LGR5: variants seen among roughly 807,000 people sequenced by gnomAD.
LGR5 encodes the protein leucine-rich repeat-containing G protein-coupled receptor 5.
LGR5 carries 54 observed loss-of-function variants against 76.7 expected under a neutral mutation model. That is an observed-to-expected ratio of 0.70 (90% CI 0.57 to 0.88). The LOEUF (loss-of-function observed/expected upper bound fraction) is 0.88, where lower values mean the gene tolerates loss of function less well. Among genes scored for constraint, LGR5 ranks in the 40% least tolerant of loss-of-function variants. LGR5 has a pLI of 0.00. For missense variants in LGR5, 1,078 were observed against 1,073.3 expected, an observed-to-expected ratio of 1.00 and a Z score of -0.06; for synonymous variants, 406 against 421.9, an observed-to-expected ratio of 0.96 and a Z score of 0.46.
chr12:71,467,387 G>T (rs1872909754), intron 1 of LGR5, among the ~76,000 whole-genome samples: 1 of 152,150 alleles, frequency 6.6e-6, no homozygotes, highest in Non-Finnish European at 1.5e-5. Flanking sequence ...AGGGGATTTG[G>T]CCTGAAGAAC....
At chr12:71,514,350 C>T (rs1041653584) in intron 2 of LGR5, among the ~76,000 whole-genome samples, 6 of 152,044 alleles carry the variant, frequency 3.9e-5, no homozygotes, top group African/African-American at 9.6e-5. Context: ...AGGTGGATCA[C>T]GAGGTCAGGA....
intron 11 of LGR5, 159 bp from the exon 12 acceptor site, chr12:71,571,355 A>G: frequency 1.9e-6 from 1 of 519,060 alleles, no homozygotes; most frequent in East Asian, 3.1e-5. Context: ...TGGTTAATCC[A>G]ATAATGGCTG....
rs755671968 is a variant in LGR5 at position 71,559,688 on chromosome 12, T to G, written c.785+34T>G. 10 of 1,113,236 alleles carry G rather than the reference T, an allele frequency of 9.0e-6. No individual in the cohort carries two copies. In the South Asian group the frequency reaches 1.3e-4, roughly 15 times the overall value. The allele number at this position is 1,113,236 out of a possible 1,614,324, so 69.0% of individuals were successfully genotyped here. A position where few individuals can be genotyped will look rare whatever the true frequency, so the allele number is the denominator to read the frequency against. The stretch of plus-strand genomic sequence containing the variant: ...TTAGGACAATTTTAATGGGAGAACT[T>G]TATCCTTTTGTGAATTTATTTAAAA... On this transcript the variant is annotated intron_variant, in intron 7 of 17. Transcript: ENST00000266674.
chr12:71,491,721 T>C (rs1874083594), intron 1 of LGR5, among the ~76,000 whole-genome samples: 1 of 150,264 alleles, frequency 6.7e-6, no homozygotes, highest in South Asian at 2.2e-4. Flanking sequence ...TTTTTCCAAA[T>C]AAAGGCAAAC....
intron 2 of LGR5, among the ~76,000 whole-genome samples, chr12:71,510,813 C>T (rs12809362): frequency 0.092 from 14,050 of 152,006 alleles, 697 homozygotes; most frequent in Non-Finnish European, 0.11. Flanking sequence ...GGAGGAGGGA[C>T]TGGGAGCCTG....
intron 1 of LGR5, among the ~76,000 whole-genome samples, chr12:71,498,308 T>C (rs778113212): frequency 6.6e-6 from 1 of 151,662 alleles, no homozygotes. Context: ...AGAGGCAGTA[T>C]AGCCATTTGT....
intron 1 of LGR5, among the ~76,000 whole-genome samples, chr12:71,486,864 T>G (rs1325371736): frequency 6.6e-6 from 1 of 151,994 alleles, no homozygotes; most frequent in African/African-American, 2.4e-5. Flanking sequence ...TAGAATGGAA[T>G]TTGAAAACGC....
chr12:71,561,874 C>T (rs779941876), intron 8 of LGR5, 22 bp downstream of exon 8: 38 of 1,415,910 alleles, frequency 2.7e-5, no homozygotes, highest in South Asian at 1.5e-4. Flanking sequence ...TAATGCTTTT[C>T]GGTTTCTCCA....
Position 71,439,801 on chromosome 12 carries a change from C to A in LGR5, c.-280C>A, listed in dbSNP as rs1219962918. The A allele has an allele frequency of 4.3e-6, 2 of 461,262 alleles. No individual in the cohort carries two copies. The highest frequency in any genetic ancestry group is 7.6e-6 in the Non-Finnish European group (2 of 261,756). 28.6% of individuals were successfully genotyped at this position (461,262 alleles called of 1,614,324 possible). ...CGAGCGTGCAAGCAGAGATGCTGCT[C>A]CACACCGCTCAGGCCGCGAGCAGCA... is the stretch of plus-strand genomic sequence containing the variant. On this transcript the variant is annotated 5_prime_UTR_variant, in exon 1 of 18. Coordinates refer to ENST00000266674, the MANE Select transcript of LGR5 (RefSeq NM_003667.4).
chr12:71,498,264 T>G (rs1450288954), intron 1 of LGR5, among the ~76,000 whole-genome samples: 1 of 152,194 alleles, frequency 6.6e-6, no homozygotes, highest in Non-Finnish European at 1.5e-5. Context: ...CCAAGAGTAT[T>G]TTATTTCAGA....
Position 71,583,765 on chromosome 12 carries a change from C to T in LGR5, c.1755C>T (p.Ser585=), listed in dbSNP as rs1003471051. Residue 585 remains serine, a synonymous_variant, in exon 18 of 18, where the codon TCC becomes TCT. Transcript: ENST00000266674. ...NALVTSTVFR[S]PLYISPIKLL... ...TGGTGACTTCAACAGTTTTCAGATC[C>T]CCTCTGTACATTTCCCCCATTAAAC... 5 of 1,614,058 alleles carry T rather than the reference C, an allele frequency of 3.1e-6. No homozygotes were observed. Among genetic ancestry groups the T allele is most frequent in the Non-Finnish European group, 4.2e-6 (5 of 1,180,020 alleles).
At chr12:71,443,610 A>G (rs1319703628) in intron 1 of LGR5, among the ~76,000 whole-genome samples, 1 of 152,246 alleles carries the variant, frequency 6.6e-6, no homozygotes, top group Non-Finnish European at 1.5e-5. Context: ...TAGTTCTAAC[A>G]TCTAATCTTA....
chr12:71,471,942 T>C (rs1203928705), intron 1 of LGR5, among the ~76,000 whole-genome samples: 1 of 152,186 alleles, frequency 6.6e-6, no homozygotes, highest in Non-Finnish European at 1.5e-5. Context: ...CTTGTAATAG[T>C]CTTTGTGTCT....
intron 2 of LGR5, among the ~76,000 whole-genome samples, chr12:71,509,101 T>C (rs1240556128): frequency 6.6e-6 from 1 of 152,116 alleles, no homozygotes; most frequent in Non-Finnish European, 1.5e-5. Context: ...GAAGCTGTGC[T>C]GTATAGAAAG....
At chr12:71,537,199 A>G (rs1166939256) in intron 4 of LGR5, among the ~76,000 whole-genome samples, 1 of 150,444 alleles carries the variant, frequency 6.6e-6, no homozygotes. Flanking sequence ...AAAAAAAAAA[A>G]GCATGATATG....
At chr12:71,568,799 T>C (rs1809171070) in intron 11 of LGR5, among the ~76,000 whole-genome samples, 1 of 152,198 alleles carries the variant, frequency 6.6e-6, no homozygotes, top group Non-Finnish European at 1.5e-5. Flanking sequence ...GGCTAACTCA[T>C]CCACTGAGTA....
At chr12:71,524,268 T>C (rs1875869147) in intron 2 of LGR5, 138 bp from the exon 3 acceptor site, 2 of 590,960 alleles carry the variant, frequency 3.4e-6, no homozygotes, top group African/African-American at 3.8e-5. Context: ...TTTTGCAAAA[T>C]ATAACAAAAC....
intron 1 of LGR5, among the ~76,000 whole-genome samples, chr12:71,495,374 AGAGTT>A (rs1388229171): frequency 8.6e-5 from 13 of 151,282 alleles, no homozygotes; most frequent in African/African-American, 3.2e-4. Context: ...ATGATTGACT[AGAGTT>A]AAGTTTAATT....
intron 1 of LGR5, among the ~76,000 whole-genome samples, chr12:71,455,534 T>C (rs1015029930): frequency 1.3e-4 from 20 of 152,172 alleles, no homozygotes; most frequent in African/African-American, 4.8e-4. Context: ...TTACAGAGCC[T>C]CTGTAGGTAG....
Sources: allele counts gnomAD v4.1 joint callset (sites outside exome capture counted in the v4.1 genomes callset), GRCh38; gene constraint gnomAD v4.1.1; transcripts MANE v1.5; gene names NCBI Gene and HGNC (gene_info 2026-07-23, HGNC 2026-07-21).